Variants in ITPR1 observed in about 807,000 individuals in gnomAD.
The protein encoded by ITPR1 is inositol 1,4,5-trisphosphate receptor type 1, also known as inositol 1,4,5-trisphosphate-gated calcium channel ITPR1.
ITPR1 carries 96 observed loss-of-function variants against 318.4 expected under a neutral mutation model. The observed-to-expected ratio is 0.30, with a 90% CI of 0.26 to 0.36. ITPR1 has a LOEUF of 0.36. Among genes scored for constraint, ITPR1 ranks in the 10% least tolerant of loss-of-function variants. The probability of loss-of-function intolerance (pLI) is 1.00; values close to 1 mark genes in which losing one functional copy is unlikely to be tolerated. For missense variants in ITPR1, 2,440 were observed against 3,460.2 expected (o/e 0.71, Z 7.40); for synonymous variants, 1,312 against 1,289.9 (o/e 1.02, Z -0.37).
At chr3:4,682,256 C>G (rs544730076) in intron 26 of ITPR1, among the ~76,000 whole-genome samples, 3 of 152,242 alleles carry the variant, frequency 2.0e-5, no homozygotes, top group Non-Finnish European at 2.9e-5. Context: ...AGCAGAGATG[C>G]CTGCAAGGCC....
chr3:4,698,928 G>A lies in ITPR1; in HGVS notation c.4408-885G>A, dbSNP rs148060577. Among the ~76,000 whole-genome samples, 8 of 152,260 alleles carry A rather than the reference G, an allele frequency of 5.3e-5. No individual in the cohort carries two copies. In the East Asian group the frequency reaches 9.6e-4, roughly 18 times the overall value. On this transcript the variant is annotated intron_variant, in intron 34 of 61. Coordinates refer to ENST00000649015, the MANE Select transcript of ITPR1 (RefSeq NM_001378452.1). Reference sequence around the variant, plus strand: ...TAGGCAGCAGAATTAAGCAGAGTACGGGTGAAATCGTAGGTGTCTCCTCAC... The same window carrying A: ...TAGGCAGCAGAATTAAGCAGAGTACAGGTGAAATCGTAGGTGTCTCCTCAC...
intron 4 of ITPR1, among the ~76,000 whole-genome samples, chr3:4,552,835 A>G (rs375770318): frequency 2.6e-5 from 4 of 152,142 alleles, no homozygotes; most frequent in African/African-American, 9.7e-5. Context: ...CTACCAGTCA[A>G]CTCATTAGCA....
At chr3:4,750,944 A>G (rs2044461490) in intron 44 of ITPR1, 1 of 152,492 alleles carries the variant, frequency 6.6e-6, no homozygotes, top group African/African-American at 2.4e-5. Context: ...TTTTTTTATT[A>G]CCAATCCCTC....
At chr3:4,692,957 C>A (rs992697271) in intron 32 of ITPR1, among the ~76,000 whole-genome samples, 4 of 152,076 alleles carry the variant, frequency 2.6e-5, no homozygotes, top group African/African-American at 9.7e-5. Context: ...CCCGTCTCTA[C>A]TAAAAATACA....
chr3:4,699,780 G>T, intron 34 of ITPR1, 33 bp from the exon 35 acceptor site: 1 of 1,608,974 alleles, frequency 6.2e-7, no homozygotes, highest in Non-Finnish European at 8.5e-7. Context: ...GTAGGTTTTG[G>T]TGTAATGCTT....
intron 55 of ITPR1, among the ~76,000 whole-genome samples, 184 bp downstream of exon 55, chr3:4,806,451 C>T (rs2048559476): frequency 6.7e-6 from 1 of 150,298 alleles, no homozygotes; most frequent in Non-Finnish European, 1.5e-5. Flanking sequence ...ATTGGGTCAG[C>T]CCAGGAATTC....
intron 60 of ITPR1, among the ~76,000 whole-genome samples, chr3:4,833,607 C>T (rs151244180): frequency 2.0e-5 from 3 of 152,322 alleles, no homozygotes; most frequent in Non-Finnish European, 4.4e-5. Context: ...TAAGGCACGG[C>T]GGCCTTTCAC....
At chr3:4,611,561 A>AAAATAAATAAATAAATAAATAAATAAAT (rs372628182) in intron 4 of ITPR1, among the ~76,000 whole-genome samples, 1 of 142,474 alleles carries the variant, frequency 7.0e-6, no homozygotes, top group East Asian at 2.1e-4. Flanking sequence ...CTCTCTCTCA[A>AAAATAAATAAATAAATAAATAAATAAAT]AAATAAATAA....
In ITPR1 at chr3:4,688,500, A is replaced by C; in HGVS notation, c.3708A>C (p.Glu1236Asp). The C allele has an allele frequency of 1.9e-6, 3 of 1,613,972 alleles. No homozygotes were observed. Among genetic ancestry groups the C allele is most frequent in the Non-Finnish European group, 2.5e-6 (3 of 1,179,834 alleles). ...ATCTGTCTCCTCCCACACAGGCCGA[A>C]GATACCAAGATGCAAGAGATAATGA... ...ELLQIPYEKA[E>D]DTKMQEIMRL... Residue 1236 changes from glutamate (E) to aspartate (D), a missense_variant, in exon 31 of 62, where the codon GAA (glutamate) becomes GAC (aspartate). Glu to Asp is a conservative substitution (Grantham distance 45). Transcript: ENST00000649015.
At position 4,497,197 on chromosome 3, in the gene ITPR1, G is replaced by T. The variant is rs564239100; in HGVS notation, c.-17+2691G>T. On this transcript the variant is annotated intron_variant, in intron 2 of 61. Coordinates refer to ENST00000649015, the MANE Select transcript of ITPR1 (RefSeq NM_001378452.1). ...ATTCTCTTGGTTTCTGTGGTTCTGAGATGATTGCTAATGAGAATAAGCCAG... is the reference window on the plus strand; with the variant it reads ...ATTCTCTTGGTTTCTGTGGTTCTGATATGATTGCTAATGAGAATAAGCCAG... 2.6e-5 allele frequency among the ~76,000 whole-genome samples: 4 copies of T among 152,298 alleles called. No homozygotes were observed. The South Asian group carries it at 8.3e-4, about 32-fold the overall frequency.
At chr3:4,767,922 G>A (rs566826328) in intron 45 of ITPR1, among the ~76,000 whole-genome samples, 1 of 152,262 alleles carries the variant, frequency 6.6e-6, no homozygotes, top group Admixed American at 6.5e-5. Context: ...GCACAGAGAT[G>A]GTAATTAAGT....
chr3:4,610,902 CCCTTCT>C (rs1039373226), intron 4 of ITPR1, among the ~76,000 whole-genome samples: 2 of 111,430 alleles, frequency 1.8e-5, no homozygotes, highest in East Asian at 2.9e-4. Flanking sequence ...CCCCTTCCCC[CCCTTCT>C]CCTTCTCCTT....
chr3:4,753,784 G>A (rs750910596), intron 44 of ITPR1, among the ~76,000 whole-genome samples: 3 of 152,154 alleles, frequency 2.0e-5, no homozygotes, highest in Non-Finnish European at 2.9e-5. Flanking sequence ...GAGCAGCGAA[G>A]GGAACGTGGC....
chr3:4,589,190 G>A (rs551721328), intron 4 of ITPR1, among the ~76,000 whole-genome samples: 4 of 152,224 alleles, frequency 2.6e-5, no homozygotes, highest in Admixed American at 6.5e-5. Context: ...ACATATATGT[G>A]TATATAAAAC....
At chr3:4,593,142 G>A (rs997368434) in intron 4 of ITPR1, among the ~76,000 whole-genome samples, 1 of 152,332 alleles carries the variant, frequency 6.6e-6, no homozygotes. Flanking sequence ...TGAACAACAC[G>A]ATGCGGTGTG....
chr3:4,669,327 G>A (rs769761844), intron 18 of ITPR1, among the ~76,000 whole-genome samples: 109 of 152,186 alleles, frequency 7.2e-4, no homozygotes, highest in African/African-American at 1.6e-3. Context: ...ACATCAGGGC[G>A]TTGCCTCTCA....
At chr3:4,756,586 G>C (rs984221549) in intron 44 of ITPR1, among the ~76,000 whole-genome samples, 4 of 151,924 alleles carry the variant, frequency 2.6e-5, no homozygotes, top group African/African-American at 9.7e-5. Flanking sequence ...GCAGTATTTG[G>C]TTTCCTGTTC....
At chr3:4,752,851 C>T (rs758833933) in intron 44 of ITPR1, among the ~76,000 whole-genome samples, 1 of 152,174 alleles carries the variant, frequency 6.6e-6, no homozygotes, top group Non-Finnish European at 1.5e-5. Context: ...AGGTGCTATA[C>T]ACATTGGCGT....
chr3:4,577,986 T>A (rs2088865782), intron 4 of ITPR1, among the ~76,000 whole-genome samples: 1 of 152,214 alleles, frequency 6.6e-6, no homozygotes, highest in South Asian at 2.1e-4. Flanking sequence ...TGAAGGATAG[T>A]TGCATTTTTA....
Sources: gnomAD v4.1 joint callset for allele counts (sites outside exome capture counted in the v4.1 genomes callset) on GRCh38, gnomAD v4.1.1 for gene constraint, MANE v1.5 for transcripts, NCBI Gene and HGNC (gene_info 2026-07-23, HGNC 2026-07-21) for gene names.